The following NFIC variants were observed in gnomAD, a reference collection of about 807,000 sequenced individuals.
NFIC encodes the protein nuclear factor I C.
A neutral mutation model predicts 54.4 loss-of-function variants in NFIC; 12 were observed. That is an observed-to-expected ratio of 0.22 (90% CI 0.14 to 0.36). The LOEUF (loss-of-function observed/expected upper bound fraction) is 0.36, where lower values mean the gene tolerates loss of function less well. Ranked by LOEUF, NFIC falls within the 10% of genes least tolerant of loss-of-function variation. NFIC has a pLI of 1.00. For missense variants in NFIC, 575 were observed against 718.2 expected (o/e 0.80, Z 2.28); for synonymous variants, 322 against 319.2 (o/e 1.01, Z -0.09).
At chr19:3,387,394 C>T (rs548625233) in intron 2 of NFIC, among the ~76,000 whole-genome samples, 18 of 152,008 alleles carry the variant, frequency 1.2e-4, no homozygotes, top group Non-Finnish European at 1.9e-4. Context: ...ACCAGCTACT[C>T]GGGAGGCTGA....
At position 3,453,162 on chromosome 19, in the gene NFIC, C is replaced by G. The variant is rs1433485392; in HGVS notation, c.1269+496C>G. Among the ~76,000 whole-genome samples, 1 of 152,150 alleles carries G rather than the reference C, an allele frequency of 6.6e-6. No homozygotes were observed. The highest frequency in any genetic ancestry group is 1.5e-5 in the Non-Finnish European group (1 of 68,038). On this transcript the variant is annotated intron_variant, in intron 8 of 10. Transcript: ENST00000443272. The surrounding 1 kb of genome is among the most constrained non-coding windows in gnomAD (Gnocchi z 6.7). ...GCTGAGGTGGGAGGATCGCTTGAAC[C>G]TGGGAGGTCGAGGCTGCTGTGAGCT...
chr19:3,434,273 G>A lies in NFIC; in HGVS notation c.710-4G>A, dbSNP rs1338392932. 2 of 1,607,612 alleles carry A rather than the reference G, an allele frequency of 1.2e-6. No homozygotes were observed. Among genetic ancestry groups the A allele is most frequent in the Non-Finnish European group, 1.7e-6 (2 of 1,178,298 alleles). On this transcript the variant is annotated splice_polypyrimidine_tract_variant and splice_region_variant and intron_variant, in intron 4 of 10. Coordinates refer to ENST00000443272, the MANE Select transcript of NFIC (RefSeq NM_001245002.2). The stretch of plus-strand genomic sequence containing the variant: ...GCCTCACTCTCCTCTGTCACCCTCT[G>A]CAGCACCCGTGGTGACTGGAACAGG...
At chr19:3,376,520 C>T (rs1216106334) in intron 1 of NFIC, among the ~76,000 whole-genome samples, 1 of 150,738 alleles carries the variant, frequency 6.6e-6, no homozygotes, top group Non-Finnish European at 1.5e-5. Context: ...ATCACTTGAG[C>T]CCAGGAGTTT....
upstream of NFIC, among the ~76,000 whole-genome samples, chr19:3,366,393 A>G (rs2080883095): frequency 6.6e-6 from 1 of 150,640 alleles, no homozygotes; most frequent in African/African-American, 2.4e-5. Context: ...ACAGAGAGAC[A>G]GAGACGGGGG....
At chr19:3,431,210 G>T (rs1020038040) in intron 3 of NFIC, among the ~76,000 whole-genome samples, 5 of 151,664 alleles carry the variant, frequency 3.3e-5, no homozygotes, top group African/African-American at 9.7e-5. Context: ...TTTTAGTAGA[G>T]ATGGGGTTTC....
rs1234388523 is a variant in NFIC at position 3,462,838 on chromosome 19, C to T, written c.*69C>T. On this transcript the variant is annotated 3_prime_UTR_variant, in exon 11 of 11. Coordinates refer to ENST00000443272, the MANE Select transcript of NFIC (RefSeq NM_001245002.2). ...CCCAGGGGGCAGCACAGCCGGCCCC[C>T]GGCCCACGTTTTCGGTGGAAAATTA... The T allele has an allele frequency of 3.2e-5, 52 of 1,610,034 alleles. No individual in the cohort carries two copies. Among genetic ancestry groups the T allele is most frequent in the Non-Finnish European group, 4.0e-5 (47 of 1,178,970 alleles).
upstream of NFIC, among the ~76,000 whole-genome samples, chr19:3,364,283 G>A (rs545893980): frequency 1.1e-4 from 17 of 152,164 alleles, no homozygotes; most frequent in African/African-American, 3.4e-4. Context: ...AAACTATGAC[G>A]TACAGTTCCC....
intron 7 of NFIC, among the ~76,000 whole-genome samples, chr19:3,451,011 A>C (rs955604009): frequency 1.3e-5 from 2 of 152,252 alleles, no homozygotes; most frequent in Non-Finnish European, 2.9e-5. Context: ...AATATTTACT[A>C]TCTGGCCAGA....
At chr19:3,438,539 G>A (rs8104746) in intron 6 of NFIC, among the ~76,000 whole-genome samples, 12,667 of 149,814 alleles carry the variant, frequency 0.085, 1,747 homozygotes, top group African/African-American at 0.29. Flanking sequence ...CCGGGTTCAC[G>A]CCATTCTCCT....
chr19:3,437,642 A>C (rs1487410087), intron 6 of NFIC, among the ~76,000 whole-genome samples: 1 of 148,120 alleles, frequency 6.8e-6, no homozygotes, highest in Non-Finnish European at 1.5e-5. Flanking sequence ...TCTCAAAAAA[A>C]AAAAAAGAAA....
Position 3,449,509 on chromosome 19 carries a change from C to T in NFIC, c.1084+370C>T, listed in dbSNP as rs549822127. ...GCACAGTGGCTCACACCTGTAATCC[C>T]GGCACTTTGGGAGGCTGAGGCGGGT... is the stretch of plus-strand genomic sequence containing the variant. On this transcript the variant is annotated intron_variant, in intron 7 of 10. Coordinates refer to ENST00000443272, the MANE Select transcript of NFIC (RefSeq NM_001245002.2). 3.9e-5 allele frequency among the ~76,000 whole-genome samples: 6 copies of T among 152,236 alleles called. No individual in the cohort carries two copies. In the East Asian group the frequency reaches 5.8e-4, roughly 15 times the overall value.
At chr19:3,373,948 G>A (rs1048856476) in intron 1 of NFIC, among the ~76,000 whole-genome samples, 1 of 152,210 alleles carries the variant, frequency 6.6e-6, no homozygotes, top group East Asian at 1.9e-4. Context: ...CAAGGTTAGA[G>A]CCTGACGCTG....
intron 2 of NFIC, among the ~76,000 whole-genome samples, chr19:3,403,915 G>T (rs1027550835): frequency 6.6e-6 from 1 of 151,994 alleles, no homozygotes; most frequent in South Asian, 2.1e-4. Flanking sequence ...TGCCTGCTTC[G>T]TGTGGCCACT....
At chr19:3,373,250 C>T (rs866634296) in intron 1 of NFIC, among the ~76,000 whole-genome samples, 16 of 152,224 alleles carry the variant, frequency 1.1e-4, no homozygotes, top group African/African-American at 3.4e-4. Flanking sequence ...TGGCTCAGCC[C>T]TCATTGTCCT....
At position 3,429,255 on chromosome 19, in the gene NFIC, C is replaced by G. The variant is rs74178428; in HGVS notation, c.634+4078C>G. Among the ~76,000 whole-genome samples, 2 of 50,620 alleles carry G rather than the reference C, an allele frequency of 4.0e-5. 1 individual carries two copies. Among genetic ancestry groups the G allele is most frequent in the Non-Finnish European group, 6.4e-5 (2 of 31,068 alleles). The allele number at this position is 50,620 out of a possible 152,430, so 33.2% of individuals were successfully genotyped here. A position where few individuals can be genotyped will look rare whatever the true frequency, so the allele number is the denominator to read the frequency against. On this transcript the variant is annotated intron_variant, in intron 3 of 10. Transcript: ENST00000443272. ...CCAAAAAAAAAAAAAAAAATATATACACACACACACACACACACACACACA... is the reference window on the plus strand; with the variant it reads ...CCAAAAAAAAAAAAAAAAATATATAGACACACACACACACACACACACACA...
Position 3,463,414 on chromosome 19 carries a change from C to T in NFIC, c.*645C>T, listed in dbSNP as rs2082669885. The T allele has an allele frequency of 1.0e-6, 1 of 985,348 alleles. No individual in the cohort carries two copies. The highest frequency in any genetic ancestry group is 1.7e-5 in the African/African-American group (1 of 57,168). The allele number at this position is 985,348 out of a possible 1,614,324, so 61.0% of individuals were successfully genotyped here. On this transcript the variant is annotated 3_prime_UTR_variant, in exon 11 of 11. Transcript: ENST00000443272. ...GCAGGGTGGGGCAGGCGAGTGGTGTCGCGGGGGTGCGTGGCGCTTGCGAGC... is the reference window on the plus strand; with the variant it reads ...GCAGGGTGGGGCAGGCGAGTGGTGTTGCGGGGGTGCGTGGCGCTTGCGAGC...
chr19:3,397,683 G>C (rs1187303344), intron 2 of NFIC, among the ~76,000 whole-genome samples: 1 of 57,760 alleles, frequency 1.7e-5, no homozygotes, highest in African/African-American at 3.2e-5. Context: ...TGGCGGCAAC[G>C]GGGCAGCTGA....
At position 3,408,312 on chromosome 19, in the gene NFIC, A is replaced by G. The variant is rs557392064; in HGVS notation, c.563-16794A>G. ...TTCCTACAGCCAAAAGATCAATTCAATATGGCCACTCCGTGCAATGCTGGG... is the reference window on the plus strand; with the variant it reads ...TTCCTACAGCCAAAAGATCAATTCAGTATGGCCACTCCGTGCAATGCTGGG... On this transcript the variant is annotated intron_variant, in intron 2 of 10. Transcript: ENST00000443272. Among the ~76,000 whole-genome samples the G allele has an allele frequency of 5.9e-5, 9 of 152,260 alleles. 1 individual carries two copies. The highest frequency in any genetic ancestry group is 2.2e-4 in the African/African-American group (9 of 41,564).
intron 2 of NFIC, among the ~76,000 whole-genome samples, chr19:3,400,707 C>T (rs913551635): frequency 2.6e-5 from 4 of 151,468 alleles, no homozygotes; most frequent in African/African-American, 4.9e-5. Context: ...CCAGGCATAG[C>T]GGTATGCGCC....
Sources: gnomAD v4.1 joint callset for allele counts (sites outside exome capture counted in the v4.1 genomes callset) on GRCh38, gnomAD v4.1.1 for gene constraint, Gnocchi (gnomAD v3.1) non-coding constraint, MANE v1.5 for transcripts, NCBI Gene and HGNC (gene_info 2026-07-23, HGNC 2026-07-21) for gene names.